CTNND2: variants seen among roughly 807,000 people sequenced by gnomAD.
CTNND2 encodes catenin delta 2.
A neutral mutation model predicts 144.4 loss-of-function variants in CTNND2; 22 were observed. The observed-to-expected ratio is 0.15, with a 90% CI of 0.11 to 0.22. CTNND2 has a LOEUF of 0.22. Among genes scored for constraint, CTNND2 ranks in the 10% least tolerant of loss-of-function variants. CTNND2 has a pLI of 1.00. For missense variants in CTNND2, 1,353 were observed against 1,618.8 expected (o/e 0.84, Z 2.82); for synonymous variants, 751 against 695.6 (o/e 1.08, Z -1.25).
chr5:11,060,088 C>T (rs1746787686), intron 16 of CTNND2, among the ~76,000 whole-genome samples: 1 of 152,100 alleles, frequency 6.6e-6, no homozygotes, highest in African/African-American at 2.4e-5. Context: ...ATTCTCACTT[C>T]TAAATGTTTG....
intron 1 of CTNND2, among the ~76,000 whole-genome samples, chr5:11,780,859 G>C (rs942211753): frequency 6.6e-6 from 1 of 152,228 alleles, no homozygotes; most frequent in Non-Finnish European, 1.5e-5. Context: ...TGACACAACA[G>C]ATGACCCACG....
intron 2 of CTNND2, among the ~76,000 whole-genome samples, chr5:11,712,682 G>A (rs1166435244): frequency 2.0e-5 from 3 of 151,854 alleles, no homozygotes; most frequent in Admixed American, 6.5e-5. Flanking sequence ...TTCTAAATTC[G>A]TGGTCACAAG....
intron 3 of CTNND2, among the ~76,000 whole-genome samples, chr5:11,475,766 A>T (rs548464632): frequency 6.6e-6 from 1 of 152,322 alleles, no homozygotes; most frequent in Non-Finnish European, 1.5e-5. Flanking sequence ...ATATTCACAT[A>T]AAGAAATGAA....
At position 11,050,838 on chromosome 5, in the gene CTNND2, A is replaced by C. The variant is rs76301594; in HGVS notation, c.2789-27859T>G. ...CTTCCAACTGAGGACCAACCAGAGA[A>C]GGCCAGGCATACACCCCAACCAATC... On this transcript the variant is annotated intron_variant, in intron 16 of 21. Transcript: ENST00000304623. Among the ~76,000 whole-genome samples the C allele has an allele frequency of 5.6e-3, 855 of 152,310 alleles. 6 individuals carry two copies. Among genetic ancestry groups the C allele is most frequent in the African/African-American group, 0.019 (800 of 41,570 alleles).
chr5:11,101,295 G>A (rs1405371098), intron 14 of CTNND2, among the ~76,000 whole-genome samples: 6 of 152,152 alleles, frequency 3.9e-5, no homozygotes, highest in South Asian at 2.1e-4. Flanking sequence ...TAACATGACT[G>A]GACGTATTCT....
intron 18 of CTNND2, among the ~76,000 whole-genome samples, chr5:10,993,155 T>G (rs1738901908): frequency 6.6e-6 from 1 of 152,142 alleles, no homozygotes; most frequent in Non-Finnish European, 1.5e-5. Context: ...CCTGCCTGTG[T>G]CCTTTCCAGC....
chr5:11,659,389 A>T (rs1218138334), intron 2 of CTNND2, among the ~76,000 whole-genome samples: 1 of 152,132 alleles, frequency 6.6e-6, no homozygotes, highest in Non-Finnish European at 1.5e-5. Context: ...GCAAGACTGT[A>T]TTCTTAATAT....
At position 10,973,528 on chromosome 5, in the gene CTNND2, G is replaced by A. The variant is rs780450145; in HGVS notation, c.3603C>T (p.Tyr1201=). ...GTTCACTGTAGGGACGGGCAGCTGA[G>A]TAGAAGTCAACGTAGTTGCCGGTGG... The part of the protein sequence containing the change: ...LKSTGNYVDF[Y]SAARPYSELN... The change falls in exon 22 of 22, where the codon TAC becomes TAT. Residue 1201 remains tyrosine, a synonymous_variant. Transcript: ENST00000304623. The surrounding 1 kb of genome is among the most constrained non-coding windows in gnomAD (Gnocchi z 5.6). 2 of 1,613,976 alleles carry A rather than the reference G, an allele frequency of 1.2e-6. No homozygotes were observed. The highest frequency in any genetic ancestry group is 1.3e-5 in the African/African-American group (1 of 75,058).
chr5:11,865,964 C>T (rs1311712615), intron 1 of CTNND2, among the ~76,000 whole-genome samples: 1 of 149,564 alleles, frequency 6.7e-6, no homozygotes. Flanking sequence ...CTAGTGACAC[C>T]TTGATTTTAG....
intron 16 of CTNND2, among the ~76,000 whole-genome samples, chr5:11,067,203 T>C (rs975173440): frequency 5.9e-5 from 9 of 152,288 alleles, no homozygotes; most frequent in Admixed American, 2.6e-4. Flanking sequence ...TGATATAAGG[T>C]AGAGGAGAGT....
intron 18 of CTNND2, among the ~76,000 whole-genome samples, chr5:11,017,605 T>TATATATATATATCTTTCC (rs10573337): frequency 2.7e-4 from 5 of 18,234 alleles, no homozygotes; most frequent in South Asian, 2.6e-3. Context: ...TATCTTTCCA[T>TATATATATATATCTTTCC]ATATATATAT....
chr5:11,301,452 G>C (rs1749598384), intron 9 of CTNND2, among the ~76,000 whole-genome samples: 1 of 152,164 alleles, frequency 6.6e-6, no homozygotes, highest in Non-Finnish European at 1.5e-5. Flanking sequence ...CTATGTGGCA[G>C]GGTGTGCCAT....
intron 9 of CTNND2, among the ~76,000 whole-genome samples, chr5:11,285,509 A>C (rs949823070): frequency 1.3e-5 from 2 of 152,198 alleles, no homozygotes; most frequent in Non-Finnish European, 2.9e-5. Flanking sequence ...GTGTATGAAT[A>C]CTAGTGACAG....
intron 1 of CTNND2, among the ~76,000 whole-genome samples, chr5:11,798,859 G>C (rs1361355772): frequency 6.6e-6 from 1 of 152,176 alleles, no homozygotes; most frequent in Non-Finnish European, 1.5e-5. Context: ...AAAACGTACT[G>C]TATACACTTT....
At chr5:11,792,031 C>CATT in intron 1 of CTNND2, among the ~76,000 whole-genome samples, 1 of 152,174 alleles carries the variant, frequency 6.6e-6, no homozygotes, top group Non-Finnish European at 1.5e-5. Context: ...ACTTGCTGTC[C>CATT]AAGTCATATG....
intron 1 of CTNND2, among the ~76,000 whole-genome samples, chr5:11,892,185 T>C (rs1369076095): frequency 2.6e-5 from 4 of 152,058 alleles, no homozygotes; most frequent in Non-Finnish European, 5.9e-5. Context: ...ATGGTGAACT[T>C]TTCCACATGC....
intron 3 of CTNND2, among the ~76,000 whole-genome samples, chr5:11,413,150 G>C (rs371223734): frequency 6.6e-6 from 1 of 152,128 alleles, no homozygotes; most frequent in Non-Finnish European, 1.5e-5. Flanking sequence ...ATAATAATGA[G>C]AGCTGTAGAC....
At chr5:11,420,812 C>A (rs1373386463) in intron 3 of CTNND2, among the ~76,000 whole-genome samples, 3 of 152,106 alleles carry the variant, frequency 2.0e-5, no homozygotes, top group South Asian at 4.2e-4. Context: ...TTTGCTTTAA[C>A]TATTGCCATC....
At chr5:11,449,910 A>G (rs1765149571) in intron 3 of CTNND2, among the ~76,000 whole-genome samples, 1 of 152,214 alleles carries the variant, frequency 6.6e-6, no homozygotes, top group Admixed American at 6.5e-5. Context: ...GATCTTCTAG[A>G]TAAAATGTCA....
Sources: allele counts gnomAD v4.1 joint callset (sites outside exome capture counted in the v4.1 genomes callset), GRCh38; gene constraint gnomAD v4.1.1; non-coding constraint Gnocchi (gnomAD v3.1); transcripts MANE v1.5; gene names NCBI Gene and HGNC (gene_info 2026-07-23, HGNC 2026-07-21).